KCNMA1: variants seen among roughly 807,000 people sequenced by gnomAD.
KCNMA1 encodes the protein Calcium-activated potassium channel subunit alpha-1.
Under a neutral mutation model 140.0 loss-of-function variants are expected in KCNMA1, and 29 were observed. The ratio of observed to expected loss-of-function variants is 0.21; its 90% CI spans 0.15 to 0.28. KCNMA1 has a LOEUF of 0.28. Among genes scored for constraint, KCNMA1 ranks in the 10% least tolerant of loss-of-function variants. The pLI is 1.00. For missense variants in KCNMA1, 880 were observed against 1,602.2 expected (o/e 0.55, Z 7.70); for synonymous variants, 612 against 611.9 (o/e 1.00, Z 0.00).
intron 5 of KCNMA1, among the ~76,000 whole-genome samples, chr10:77,149,208 C>G (rs571552009): frequency 6.6e-6 from 1 of 152,138 alleles, no homozygotes; most frequent in South Asian, 2.1e-4. Context: ...AAGGACTTGA[C>G]GATCTATTTA....
At chr10:77,044,717 G>A (rs1476009828) in intron 14 of KCNMA1, among the ~76,000 whole-genome samples, 7 of 152,132 alleles carry the variant, frequency 4.6e-5, no homozygotes, top group African/African-American at 4.8e-5. Context: ...ATCTGGACCA[G>A]GTAAAGGGAG....
At chr10:77,595,249 C>T (rs527609632) in intron 1 of KCNMA1, among the ~76,000 whole-genome samples, 5 of 144,628 alleles carry the variant, frequency 3.5e-5, no homozygotes, top group East Asian at 4.2e-4. Context: ...GGGGAGACTG[C>T]GGCCAGAGAA....
At chr10:77,092,702 C>T (rs950083470) in intron 9 of KCNMA1, among the ~76,000 whole-genome samples, 7 of 152,206 alleles carry the variant, frequency 4.6e-5, no homozygotes, top group Non-Finnish European at 1.0e-4. Context: ...TTGTAAAGTT[C>T]GAAGTTCTAT....
intron 1 of KCNMA1, among the ~76,000 whole-genome samples, chr10:77,632,489 A>T (rs892587335): frequency 2.6e-5 from 4 of 152,022 alleles, no homozygotes; most frequent in Non-Finnish European, 5.9e-5. Context: ...CATACTGTCG[A>T]TGTTCGTCCA....
At chr10:77,471,727 CAT>C (rs781231272) in intron 1 of KCNMA1, among the ~76,000 whole-genome samples, 6 of 150,408 alleles carry the variant, frequency 4.0e-5, no homozygotes, top group Non-Finnish European at 7.4e-5. Context: ...CACATACACA[CAT>C]AACACACATA....
In KCNMA1 at chr10:77,099,543, C is replaced by A. The variant is rs937738349; in HGVS notation, c.1223+8938G>T. Among the ~76,000 whole-genome samples the A allele has an allele frequency of 2.0e-5, 3 of 151,980 alleles. No homozygotes were observed. The East Asian group carries it at 5.8e-4, about 29-fold the overall frequency. ...CAGCCTGACCAACATAGAGAAACCC[C>A]GTCTCTACTAAAAATACAAAATTAG... On this transcript the variant is annotated intron_variant, in intron 9 of 27. Transcript: ENST00000286628.
intron 2 of KCNMA1, among the ~76,000 whole-genome samples, chr10:77,320,156 A>G (rs2081970596): frequency 6.6e-6 from 1 of 152,178 alleles, no homozygotes; most frequent in Admixed American, 6.5e-5. Flanking sequence ...TTACTCCATG[A>G]GACTCATCAA....
At chr10:77,589,525 A>C (rs1050664084) in intron 1 of KCNMA1, among the ~76,000 whole-genome samples, 2 of 151,274 alleles carry the variant, frequency 1.3e-5, no homozygotes, top group Non-Finnish European at 3.0e-5. Context: ...TGGAAGGCTG[A>C]ACACACACAC....
At chr10:77,580,846 G>T (rs2075673182) in intron 1 of KCNMA1, among the ~76,000 whole-genome samples, 1 of 152,178 alleles carries the variant, frequency 6.6e-6, no homozygotes, top group East Asian at 1.9e-4. Context: ...ACTCATAAAT[G>T]CTGGTGTCCA....
chr10:77,350,841 A>T (rs2092787076), intron 2 of KCNMA1: 1 of 152,134 alleles, frequency 6.6e-6, no homozygotes, highest in Non-Finnish European at 1.5e-5. Flanking sequence ...ACTTAGTGGG[A>T]TGATGCTCTG....
chr10:77,636,536 G>A (rs979405488), intron 1 of KCNMA1: 28 of 1,536,066 alleles, frequency 1.8e-5, no homozygotes, highest in Middle Eastern at 3.3e-4. Flanking sequence ...AGGAACAGAG[G>A]CCGAAGAACT....
intron 1 of KCNMA1, among the ~76,000 whole-genome samples, chr10:77,548,200 G>A (rs961140254): frequency 3.9e-5 from 6 of 152,174 alleles, no homozygotes; most frequent in South Asian, 2.1e-4. Flanking sequence ...GGAATGAGGT[G>A]CCTGGTACAA....
chr10:76,881,011 G>A (rs551769412), downstream of KCNMA1, among the ~76,000 whole-genome samples: 1 of 152,316 alleles, frequency 6.6e-6, no homozygotes, highest in African/African-American at 2.4e-5. Flanking sequence ...GGAGTTCGTG[G>A]AGTTAGGAAA....
At chr10:77,564,441 T>C (rs34664075) in intron 1 of KCNMA1, among the ~76,000 whole-genome samples, 24 of 151,946 alleles carry the variant, frequency 1.6e-4, no homozygotes, top group South Asian at 8.3e-4. Context: ...GGTATTTTTT[T>C]TACAGGTGGC....
rs552046035 is a variant in KCNMA1, at chr10:77,108,932, G to C, written c.1132-360C>G. ...AACACACACAGACACATGTGTGCAT[G>C]CACAGACACACACAGTTTCGCAAGA... On this transcript the variant is annotated intron_variant, in intron 8 of 27. Coordinates refer to ENST00000286628, the MANE Select transcript of KCNMA1 (RefSeq NM_001161352.2). This position sits in a 1 kb window ranked among gnomAD's most constrained non-coding sequence, Gnocchi z 4.6. Among the ~76,000 whole-genome samples, 45 of 152,230 alleles carry C rather than the reference G, an allele frequency of 3.0e-4. No homozygotes were observed. Among genetic ancestry groups the C allele is most frequent in the African/African-American group, 1.0e-3 (42 of 41,544 alleles).
chr10:77,559,868 G>A (rs1370745318), intron 1 of KCNMA1, among the ~76,000 whole-genome samples: 1 of 152,058 alleles, frequency 6.6e-6, no homozygotes, highest in Admixed American at 6.5e-5. Flanking sequence ...ACTATATTCA[G>A]CCCGATATGT....
At chr10:77,306,872 TA>T (rs369286821) in intron 2 of KCNMA1, among the ~76,000 whole-genome samples, 69 of 152,274 alleles carry the variant, frequency 4.5e-4, no homozygotes, top group African/African-American at 1.6e-3. Context: ...AGGTGCACAG[TA>T]GATAATGGTG....
intron 20 of KCNMA1, among the ~76,000 whole-genome samples, chr10:76,966,577 C>T (rs1416005979): frequency 2.0e-5 from 3 of 152,158 alleles, no homozygotes; most frequent in Non-Finnish European, 4.4e-5. Flanking sequence ...TTGTGCCCCC[C>T]TAGGACTTTA....
chr10:76,874,101 T>G (rs2031912089), downstream of KCNMA1: 1 of 151,740 alleles, frequency 6.6e-6, no homozygotes, highest in South Asian at 2.1e-4. Flanking sequence ...GGGATGAAAC[T>G]GAGAAGAAAA....
Sources: allele counts gnomAD v4.1 joint callset (sites outside exome capture counted in the v4.1 genomes callset), GRCh38; gene constraint gnomAD v4.1.1; non-coding constraint Gnocchi (gnomAD v3.1); transcripts MANE v1.5; gene names NCBI Gene and HGNC (gene_info 2026-07-23, HGNC 2026-07-21).